Variants in CEP112 observed in about 807,000 individuals in gnomAD.
CEP112 encodes centrosomal protein of 112 kDa.
Under a neutral mutation model 153.0 loss-of-function variants are expected in CEP112, and 127 were observed. The observed-to-expected ratio is 0.83, with a 90% confidence interval of 0.72 to 0.96. The LOEUF (loss-of-function observed/expected upper bound fraction) is 0.96. Ranked by LOEUF, CEP112 falls within the 40% of genes least tolerant of loss-of-function variation. The pLI, the probability that CEP112 is intolerant of heterozygous loss-of-function variation, is 0.00. For synonymous variants in CEP112, 358 were observed against 374.4 expected, an observed-to-expected ratio of 0.96 and a Z score of 0.51; for missense variants, 1,089 against 1,101.2, an observed-to-expected ratio of 0.99 and a Z score of 0.16.
At position 65,881,719 on chromosome 17, in the gene CEP112, AAT is replaced by A. The variant is rs563599199; in HGVS notation, c.2163+20431_2163+20432del. On this transcript the variant is annotated intron_variant, in intron 20 of 26. Coordinates refer to ENST00000535342, the MANE Select transcript of CEP112 (RefSeq NM_001199165.4). ...GACAACATGCCAATGGTATAAGAGA[AAT>A]ATCTCTAAATACTGAATTTAGTTTA... is the stretch of plus-strand genomic sequence containing the variant. Among the ~76,000 whole-genome samples the A allele has an allele frequency of 7.8e-3, 1,192 of 152,308 alleles. 18 individuals are homozygous for A. The highest frequency in any genetic ancestry group is 0.027 in the African/African-American group (1,116 of 41,566).
At chr17:65,983,167 T>G (rs556467133) in intron 17 of CEP112, among the ~76,000 whole-genome samples, 4 of 152,306 alleles carry the variant, frequency 2.6e-5, no homozygotes, top group African/African-American at 9.6e-5. Context: ...ACAACGTGAA[T>G]GTACTAAATG....
At chr17:65,821,312 G>GTA (rs1164840507) in intron 21 of CEP112, among the ~76,000 whole-genome samples, 4 of 150,218 alleles carry the variant, frequency 2.7e-5, no homozygotes, top group East Asian at 2.0e-4. Flanking sequence ...TATACTATGT[G>GTA]TATATATATA....
intron 17 of CEP112, among the ~76,000 whole-genome samples, chr17:65,991,838 T>C (rs2063608546): frequency 6.6e-6 from 1 of 152,118 alleles, no homozygotes; most frequent in East Asian, 1.9e-4. Context: ...ATTCCTCACT[T>C]TGGCAATTTT....
At chr17:65,831,309 G>T (rs2057068903) in intron 21 of CEP112, among the ~76,000 whole-genome samples, 1 of 152,174 alleles carries the variant, frequency 6.6e-6, no homozygotes, top group South Asian at 2.1e-4. Flanking sequence ...TGTAATCCCA[G>T]CACTTTGGGA....
intron 21 of CEP112, among the ~76,000 whole-genome samples, chr17:65,820,638 A>C (rs1598683818): frequency 6.6e-6 from 1 of 152,244 alleles, no homozygotes; most frequent in Non-Finnish European, 1.5e-5. Flanking sequence ...TAAGTATGGC[A>C]ATTCTGATAA....
At chr17:65,918,026 A>G (rs538936399) in intron 19 of CEP112, among the ~76,000 whole-genome samples, 2 of 152,036 alleles carry the variant, frequency 1.3e-5, no homozygotes, top group East Asian at 3.9e-4. Context: ...AAATACAAGA[A>G]AAAATTAGCC....
intron 20 of CEP112, among the ~76,000 whole-genome samples, chr17:65,886,770 A>G (rs1001510220): frequency 5.9e-5 from 9 of 152,216 alleles, no homozygotes; most frequent in African/African-American, 2.2e-4. Flanking sequence ...GTCATGTCAA[A>G]CCAAATTAAT....
rs973103282 is a variant in CEP112, at chr17:65,837,693, G to T, written c.2394+14111C>A. ...GAAAGACAGATCAGATTGTTACTGT[G>T]TCTGTGTAGAAAGAAGTAGACATAG... On this transcript the variant is annotated intron_variant, in intron 21 of 26. Transcript: ENST00000535342. Among the ~76,000 whole-genome samples, 8 of 152,364 alleles carry T rather than the reference G, an allele frequency of 5.3e-5. No individual in the cohort carries two copies. The East Asian group carries it at 1.3e-3, about 26-fold the overall frequency.
At chr17:65,684,836 C>T (rs892247078) in intron 24 of CEP112, among the ~76,000 whole-genome samples, 1 of 152,162 alleles carries the variant, frequency 6.6e-6, no homozygotes, top group Non-Finnish European at 1.5e-5. Context: ...TTCCTGATGA[C>T]TCAGTTTCTT....
chr17:65,920,156 C>A (rs2060647405), intron 19 of CEP112, among the ~76,000 whole-genome samples: 2 of 151,220 alleles, frequency 1.3e-5, no homozygotes, highest in South Asian at 4.2e-4. Context: ...ACCAACCTAG[C>A]CAACATGGTG....
chr17:66,113,416 G>T lies in CEP112; in HGVS notation c.642+16330C>A, dbSNP rs575209180. ...AAAATATAAAGGAAAAAATAAAGAGGAAACAGGAATTTCCAAAGATGCTCA... is the reference window on the plus strand; with the variant it reads ...AAAATATAAAGGAAAAAATAAAGAGTAAACAGGAATTTCCAAAGATGCTCA... On this transcript the variant is annotated intron_variant, in intron 6 of 26. Transcript: ENST00000535342. 9.9e-5 allele frequency among the ~76,000 whole-genome samples: 15 copies of T among 152,156 alleles called. No individual in the cohort carries two copies. The South Asian group carries it at 1.9e-3, about 19-fold the overall frequency.
intron 4 of CEP112, among the ~76,000 whole-genome samples, chr17:66,141,573 G>A (rs1387771679): frequency 8.6e-5 from 13 of 151,866 alleles, no homozygotes; most frequent in Admixed American, 2.0e-4. Context: ...CATTTTCCCC[G>A]TCTGTAAGCC....
chr17:66,156,576 A>T (rs2071449699), intron 4 of CEP112, among the ~76,000 whole-genome samples: 1 of 152,140 alleles, frequency 6.6e-6, no homozygotes, highest in Non-Finnish European at 1.5e-5. Context: ...GGGTAATAAC[A>T]AACTCCTCTG....
intron 23 of CEP112, among the ~76,000 whole-genome samples, chr17:65,732,484 G>A (rs955833160): frequency 6.6e-6 from 1 of 152,208 alleles, no homozygotes; most frequent in African/African-American, 2.4e-5. Context: ...AGCTGCACTT[G>A]CCTTGAACAA....
intron 19 of CEP112, among the ~76,000 whole-genome samples, chr17:65,926,581 C>T (rs1032289187): frequency 2.0e-5 from 3 of 151,936 alleles, no homozygotes; most frequent in East Asian, 1.9e-4. Flanking sequence ...GACGTGGTGG[C>T]GTGTGCCTGT....
At chr17:66,163,438 A>T (rs2071798761) in intron 4 of CEP112, among the ~76,000 whole-genome samples, 1 of 152,212 alleles carries the variant, frequency 6.6e-6, no homozygotes, top group Non-Finnish European at 1.5e-5. Context: ...TATGAAACAT[A>T]AAAATAAATA....
intron 26 of CEP112, 189 bp downstream of exon 26, chr17:65,636,935 G>C: frequency 1.7e-6 from 1 of 587,580 alleles, no homozygotes; most frequent in Non-Finnish European, 3.0e-6. Flanking sequence ...TGTTTTGATA[G>C]TACAGACTAA....
At chr17:65,895,656 T>C (rs912176538) in intron 20 of CEP112, among the ~76,000 whole-genome samples, 1 of 152,058 alleles carries the variant, frequency 6.6e-6, no homozygotes, top group Non-Finnish European at 1.5e-5. Context: ...GAGGAAACTA[T>C]GATAGAAAGA....
intron 20 of CEP112, among the ~76,000 whole-genome samples, chr17:65,882,773 A>T (rs1371679340): frequency 6.6e-6 from 1 of 152,196 alleles, no homozygotes; most frequent in Non-Finnish European, 1.5e-5. Context: ...GCTCAAAGAG[A>T]TGAGAATGAT....
Sources: allele counts gnomAD v4.1 joint callset (sites outside exome capture counted in the v4.1 genomes callset), GRCh38; gene constraint gnomAD v4.1.1; transcripts MANE v1.5; gene names NCBI Gene and HGNC (gene_info 2026-07-23, HGNC 2026-07-21).